The following FEZ1 variants were observed in gnomAD, a reference collection of about 807,000 sequenced individuals.
FEZ1 encodes the protein fasciculation and elongation protein zeta 1, also known as fasciculation and elongation protein zeta-1.
Under a neutral mutation model 49.3 loss-of-function variants are expected in FEZ1, and 20 were observed. The observed-to-expected ratio is 0.41, with a 90% confidence interval of 0.29 to 0.59. The LOEUF is 0.59. FEZ1 is among the 20% of genes least tolerant of loss of function. The pLI, the probability that FEZ1 is intolerant of heterozygous loss-of-function variation, is 0.36. For missense variants in FEZ1, 413 were observed against 476.0 expected (o/e 0.87, Z 1.23); for synonymous variants, 170 against 180.9 (o/e 0.94, Z 0.48).
chr11:125,452,320 C>T lies in FEZ1; in HGVS notation c.1096+14G>A. ...AAGGAGCCACTGATCTGGCTGAGAA[C>T]AAGAGGAACTCACTGTTTGTCAGCA... is the stretch of plus-strand genomic sequence containing the variant. On this transcript the variant is annotated intron_variant, in intron 8 of 9. Transcript: ENST00000278919. 1 of 1,577,322 alleles carries T rather than the reference C, an allele frequency of 6.3e-7. No individual in the cohort carries two copies. The highest frequency in any genetic ancestry group is 8.7e-7 in the Non-Finnish European group (1 of 1,146,352).
At chr11:125,463,178 T>C (rs765235146) in intron 4 of FEZ1, 85 of 184,518 alleles carry the variant, frequency 4.6e-4, no homozygotes, top group Non-Finnish European at 8.2e-4. Flanking sequence ...TGGTGGTGCA[T>C]GCCTGTAGTC....
intron 4 of FEZ1, among the ~76,000 whole-genome samples, chr11:125,461,571 G>C (rs1348622807): frequency 6.6e-6 from 1 of 152,082 alleles, no homozygotes; most frequent in Non-Finnish European, 1.5e-5. Flanking sequence ...TGGGCCACTG[G>C]ACTCCAGCCT....
intron 8 of FEZ1, among the ~76,000 whole-genome samples, chr11:125,450,606 A>G (rs1956945600): frequency 6.6e-6 from 1 of 152,246 alleles, no homozygotes; most frequent in African/African-American, 2.4e-5. Flanking sequence ...GGATCTGCCA[A>G]AAAAGAGAGG....
At chr11:125,455,249 G>C (rs953543574) in intron 6 of FEZ1, among the ~76,000 whole-genome samples, 1 of 151,924 alleles carries the variant, frequency 6.6e-6, no homozygotes, top group Non-Finnish European at 1.5e-5. Flanking sequence ...AAATAATCCA[G>C]GAGTGGTGGC....
rs756710801 is a variant in FEZ1, at chr11:125,489,793, GAAC to G, written c.-19_-17del. On this transcript the variant is annotated 5_prime_UTR_variant, in exon 2 of 10. Coordinates refer to ENST00000278919, the MANE Select transcript of FEZ1 (RefSeq NM_005103.5). The surrounding 1 kb of genome is among the most constrained non-coding windows in gnomAD (Gnocchi z 4.2). Reference sequence around the variant, plus strand: ...GGGCCTCCATTCTTGCTCAGCAGGAGAACAACAGCGACTTTCAGGATGAGTTTA... The same window carrying G: ...GGGCCTCCATTCTTGCTCAGCAGGAGAACAGCGACTTTCAGGATGAGTTTA... 6.6e-7 allele frequency: 1 copy of G among 1,519,686 alleles called. No individual in the cohort carries two copies. Among genetic ancestry groups the G allele is most frequent in the East Asian group, 2.3e-5 (1 of 43,944 alleles). The allele number at this position is 1,519,686 out of a possible 1,614,324, so 94.1% of individuals were successfully genotyped here.
chr11:125,485,138 A>G (rs1957315580), intron 2 of FEZ1, among the ~76,000 whole-genome samples: 6 of 152,196 alleles, frequency 3.9e-5, no homozygotes, highest in Admixed American at 3.9e-4. Context: ...ACTAAGATTA[A>G]ACAGGTTGCC....
At position 125,481,496 on chromosome 11, in the gene FEZ1, T is replaced by C. The variant is rs763277407; in HGVS notation, c.411+38A>G. 18 of 1,134,800 alleles carry C rather than the reference T, an allele frequency of 1.6e-5. No homozygotes were observed. The East Asian group carries it at 4.2e-4, about 26-fold the overall frequency. The allele number at this position is 1,134,800 out of a possible 1,614,324, so 70.3% of individuals were successfully genotyped here. ...AATGTTTTTCTAACTGGATTCCACA[T>C]CTCAAGCCCTGCTAAACCAGGGGCC... On this transcript the variant is annotated intron_variant, in intron 3 of 9. Transcript: ENST00000278919.
intron 3 of FEZ1, among the ~76,000 whole-genome samples, chr11:125,470,115 C>A (rs531609576): frequency 6.6e-6 from 1 of 152,242 alleles, no homozygotes; most frequent in African/African-American, 2.4e-5. Flanking sequence ...GAAGAGAAAT[C>A]AAAAGCAACA....
intron 2 of FEZ1, among the ~76,000 whole-genome samples, chr11:125,484,175 A>G (rs1957307766): frequency 6.6e-6 from 1 of 152,228 alleles, no homozygotes; most frequent in South Asian, 2.1e-4. Flanking sequence ...ATAGCAGTCA[A>G]CACTTGCTGA....
chr11:125,470,169 C>T (rs1238303203), intron 3 of FEZ1, among the ~76,000 whole-genome samples: 2 of 152,122 alleles, frequency 1.3e-5, no homozygotes, highest in African/African-American at 4.8e-5. Context: ...CTATACCTGC[C>T]TTCAGAAGGA....
At chr11:125,453,974 C>T (rs1956982530) in intron 7 of FEZ1, 156 bp downstream of exon 7, 2 of 409,402 alleles carry the variant, frequency 4.9e-6, no homozygotes, top group Non-Finnish European at 4.4e-6. Flanking sequence ...AAGATATTCT[C>T]TGTTCCTCCT....
In FEZ1 at chr11:125,495,799, GACACACACACACAC is replaced by G. The variant is rs10524234; in HGVS notation, c.-46+308_-46+321del. ...GCACACACGCGGGCACACACACGCG[GACACACACACACAC>G]ACACACACACACACACACACACCAG... is the stretch of plus-strand genomic sequence containing the variant. On this transcript the variant is annotated intron_variant, in intron 1 of 9. Transcript: ENST00000278919. The surrounding 1 kb of genome is among the most constrained non-coding windows in gnomAD (Gnocchi z 4.2). 14 of 309,906 alleles carry G rather than the reference GACACACACACACAC, an allele frequency of 4.5e-5. No individual in the cohort carries two copies. Among genetic ancestry groups the G allele is most frequent in the African/African-American group, 1.4e-4 (6 of 43,084 alleles). The allele number at this position is 309,906 out of a possible 1,614,324, so 19.2% of individuals were successfully genotyped here.
chr11:125,494,582 A>C (rs1233245747), intron 1 of FEZ1, among the ~76,000 whole-genome samples: 1 of 152,224 alleles, frequency 6.6e-6, no homozygotes, highest in Non-Finnish European at 1.5e-5. Flanking sequence ...AGAAGGAACC[A>C]TGGGAGGGTC....
intron 3 of FEZ1, among the ~76,000 whole-genome samples, chr11:125,472,863 A>C (rs1469524737): frequency 6.6e-6 from 1 of 152,160 alleles, no homozygotes; most frequent in Non-Finnish European, 1.5e-5. Flanking sequence ...CTGGTTTAAT[A>C]TTTGAAAACC....
At chr11:125,468,656 GA>G (rs1178313812) in intron 3 of FEZ1, among the ~76,000 whole-genome samples, 2 of 152,134 alleles carry the variant, frequency 1.3e-5, no homozygotes, top group Admixed American at 6.6e-5. Context: ...GTGAACAGGA[GA>G]AAAGGCAACA....
Position 125,477,339 on chromosome 11 carries a change from C to CAA in FEZ1, c.411+4193_411+4194dup, listed in dbSNP as rs34551090. On this transcript the variant is annotated intron_variant, in intron 3 of 9. Coordinates refer to ENST00000278919, the MANE Select transcript of FEZ1 (RefSeq NM_005103.5). ...CAAAACCCTGTTTCTACCAAAAATA[C>CAA]AAAAAAAAAAAAAAAATTAGCTGAG... Among the ~76,000 whole-genome samples the CAA allele has an allele frequency of 3.5e-3, 470 of 133,298 alleles. 4 individuals carry two copies. Among genetic ancestry groups the CAA allele is most frequent in the East Asian group, 0.034 (161 of 4,668 alleles). 87.4% of individuals were successfully genotyped at this position (133,298 alleles called of 152,430 possible). A position where few individuals can be genotyped will look rare whatever the true frequency, so the allele number is the denominator to read the frequency against.
chr11:125,493,908 A>G (rs544968905), intron 1 of FEZ1, among the ~76,000 whole-genome samples: 174 of 152,326 alleles, frequency 1.1e-3, no homozygotes, highest in African/African-American at 3.9e-3. Flanking sequence ...ATCCAACCAG[A>G]ATCTAGGACT....
At chr11:125,490,478 T>A (rs1957370959) in intron 1 of FEZ1, among the ~76,000 whole-genome samples, 1 of 152,214 alleles carries the variant, frequency 6.6e-6, no homozygotes, top group Admixed American at 6.5e-5. Flanking sequence ...TGAAATAATC[T>A]GAATTCCAAA....
chr11:125,466,151 C>A (rs1164418730), intron 3 of FEZ1, among the ~76,000 whole-genome samples: 1 of 152,006 alleles, frequency 6.6e-6, no homozygotes, highest in Non-Finnish European at 1.5e-5. Flanking sequence ...AACTTCAGGC[C>A]AGGTCATTTA....
Sources: gnomAD v4.1 joint callset for allele counts (sites outside exome capture counted in the v4.1 genomes callset) on GRCh38, gnomAD v4.1.1 for gene constraint, Gnocchi (gnomAD v3.1) non-coding constraint, MANE v1.5 for transcripts, NCBI Gene and HGNC (gene_info 2026-07-23, HGNC 2026-07-21) for gene names.